The following PLEKHA6 variants were observed in gnomAD, a reference collection of about 807,000 sequenced individuals.
PLEKHA6 encodes pleckstrin homology domain-containing family A member 6.
PLEKHA6 carries 60 observed loss-of-function variants against 116.7 expected under a neutral mutation model. The ratio of observed to expected loss-of-function variants is 0.51; its 90% CI spans 0.42 to 0.64. The LOEUF is 0.64. PLEKHA6 is among the 30% of genes least tolerant of loss of function. The pLI, the probability that PLEKHA6 is intolerant of heterozygous loss-of-function variation, is 0.00. For synonymous variants in PLEKHA6, 489 were observed against 556.1 expected (o/e 0.88, Z 1.70); for missense variants, 1,338 against 1,422.7 (o/e 0.94, Z 0.96).
chr1:204,251,572 T>G (rs1004701067), intron 9 of PLEKHA6: 1 of 702,934 alleles, frequency 1.4e-6, no homozygotes, highest in Non-Finnish European at 2.6e-6. Flanking sequence ...TTTTCCACCA[T>G]GCGGTTCACC....
rs77441861 is a variant in PLEKHA6, at chr1:204,318,956, G to A, written c.-95+40738C>T. The stretch of plus-strand genomic sequence containing the variant: ...GGAAGGTTTCCGGTCCAGTAAATGG[G>A]AGAACAGAAAATCAGGTAATCTCCA... On this transcript the variant is annotated intron_variant, in intron 1 of 22. Coordinates refer to ENST00000272203, the MANE Select transcript of PLEKHA6 (RefSeq NM_014935.5). 1.1e-3 allele frequency among the ~76,000 whole-genome samples: 172 copies of A among 152,286 alleles called. 5 individuals carry two copies. In the East Asian group the frequency reaches 0.033, roughly 29 times the overall value.
chr1:204,279,998 G>GA (rs1003312435), intron 1 of PLEKHA6, among the ~76,000 whole-genome samples: 4 of 152,036 alleles, frequency 2.6e-5, no homozygotes, highest in African/African-American at 9.7e-5. Context: ...ATGAAGGAGC[G>GA]AAAAAATGAA....
intron 1 of PLEKHA6, among the ~76,000 whole-genome samples, chr1:204,289,661 A>G (rs949892909): frequency 6.6e-6 from 1 of 152,142 alleles, no homozygotes; most frequent in Non-Finnish European, 1.5e-5. Flanking sequence ...AATTTACTAT[A>G]CCACCCTTCC....
At chr1:204,254,661 T>C (rs974419837) in intron 9 of PLEKHA6, among the ~76,000 whole-genome samples, 3 of 152,184 alleles carry the variant, frequency 2.0e-5, no homozygotes, top group African/African-American at 7.2e-5. Flanking sequence ...AATAATAGCA[T>C]CCATCTTACA....
chr1:204,372,618 T>C (rs532752953), intron 1 of PLEKHA6, among the ~76,000 whole-genome samples: 16 of 152,180 alleles, frequency 1.1e-4, no homozygotes, highest in Non-Finnish European at 1.9e-4. Context: ...AAATGAGATA[T>C]CGAATAAACG....
At chr1:204,297,161 T>C (rs1000751822) in intron 1 of PLEKHA6, 1 of 981,644 alleles carries the variant, frequency 1.0e-6, no homozygotes, top group Non-Finnish European at 1.2e-6. Flanking sequence ...AACATATCCT[T>C]CTTCCTAGAA....
intron 1 of PLEKHA6, among the ~76,000 whole-genome samples, chr1:204,293,107 T>A (rs1669938902): frequency 6.6e-6 from 1 of 151,726 alleles, no homozygotes; most frequent in Non-Finnish European, 1.5e-5. Context: ...GCACAAAGTT[T>A]AAGGGGCATC....
chr1:204,276,502 C>T (rs12724182), intron 1 of PLEKHA6, among the ~76,000 whole-genome samples: 25,168 of 152,066 alleles, frequency 0.17, 2,285 homozygotes, highest in East Asian at 0.28. Flanking sequence ...ACTACGGTGT[C>T]CTTTGAGGTG....
chr1:204,235,884 C>G (rs1057032184), intron 17 of PLEKHA6, among the ~76,000 whole-genome samples: 2 of 152,168 alleles, frequency 1.3e-5, no homozygotes, highest in African/African-American at 4.8e-5. Context: ...CCAGAGGCAA[C>G]AGTCAAGGCC....
At chr1:204,332,531 G>A (rs1206110207) in intron 1 of PLEKHA6, among the ~76,000 whole-genome samples, 5 of 152,262 alleles carry the variant, frequency 3.3e-5, no homozygotes, top group South Asian at 4.1e-4. Context: ...ACAGGAACGC[G>A]CCACCATGCC....
At chr1:204,355,431 C>T (rs1209722063) in intron 1 of PLEKHA6, among the ~76,000 whole-genome samples, 4 of 151,980 alleles carry the variant, frequency 2.6e-5, no homozygotes, top group East Asian at 1.9e-4. Flanking sequence ...CCCATAACTA[C>T]GTTTTGTTTG....
intron 1 of PLEKHA6, among the ~76,000 whole-genome samples, chr1:204,295,476 G>A (rs2103052404): frequency 6.8e-6 from 1 of 147,238 alleles, no homozygotes; most frequent in South Asian, 2.2e-4. Flanking sequence ...GGTGACAGAG[G>A]GAGATGCCAT....
intron 1 of PLEKHA6, chr1:204,297,898 A>G: frequency 1.0e-6 from 1 of 985,138 alleles, no homozygotes; most frequent in Non-Finnish European, 1.2e-6. Flanking sequence ...GATAGAGGGA[A>G]GACGGCATCT....
chr1:204,326,460 C>G (rs1216128046), intron 1 of PLEKHA6, among the ~76,000 whole-genome samples: 1 of 152,234 alleles, frequency 6.6e-6, no homozygotes, highest in Non-Finnish European at 1.5e-5. Context: ...GGCTTCCCAG[C>G]TCTCATTCTA....
At chr1:204,336,949 T>C (rs1355465361) in intron 1 of PLEKHA6, among the ~76,000 whole-genome samples, 1 of 152,220 alleles carries the variant, frequency 6.6e-6, no homozygotes, top group East Asian at 1.9e-4. Context: ...TGCCTGCCCC[T>C]GAGCCCTGCT....
rs34737938 is a variant in PLEKHA6, at chr1:204,248,845, G to A, written c.1800C>T (p.Arg600=). 2,328 of 1,613,988 alleles carry A rather than the reference G, an allele frequency of 1.4e-3. 31 individuals carry two copies. In the African/African-American group the frequency reaches 0.028, roughly 19 times the overall value. The change falls in exon 12 of 23, where the codon CGC becomes CGT. Residue 600 remains arginine (R), a synonymous_variant. Coordinates refer to ENST00000272203, the MANE Select transcript of PLEKHA6 (RefSeq NM_014935.5). ...CCGTGGTCGCCTGAGACAGCTCCAC[G>A]CGGATGTTGATGAGCTGGTTCTGCA... The part of the protein sequence containing the change: ...DSLQNQLINI[R]VELSQATTAL...
chr1:204,232,037 A>G (rs559393858), intron 17 of PLEKHA6, among the ~76,000 whole-genome samples: 1 of 152,314 alleles, frequency 6.6e-6, no homozygotes, highest in African/African-American at 2.4e-5. Context: ...AATGTTAAAG[A>G]TGCTTCTGGT....
chr1:204,361,495 G>C (rs183106536), upstream of PLEKHA6, among the ~76,000 whole-genome samples: 10 of 152,326 alleles, frequency 6.6e-5, no homozygotes, highest in East Asian at 1.7e-3. Context: ...TCCCACCCCA[G>C]GGCAGGCCAG....
At chr1:204,232,979 T>G (rs1305589054) in intron 17 of PLEKHA6, among the ~76,000 whole-genome samples, 4 of 152,144 alleles carry the variant, frequency 2.6e-5, no homozygotes, top group African/African-American at 4.8e-5. Context: ...AAATTTATTT[T>G]TTAAATAGAG....
Sources: allele counts gnomAD v4.1 joint callset (sites outside exome capture counted in the v4.1 genomes callset), GRCh38; gene constraint gnomAD v4.1.1; transcripts MANE v1.5; gene names NCBI Gene and HGNC (gene_info 2026-07-23, HGNC 2026-07-21).